The following CDIP1 variants were observed in gnomAD, a reference collection of about 807,000 sequenced individuals.
CDIP1 encodes the protein cell death inducing p53 target 1.
In CDIP1, 9 loss-of-function variants were observed where a neutral mutation model predicts 17.7. The observed-to-expected ratio is 0.51, with a 90% CI of 0.31 to 0.89. The LOEUF (loss-of-function observed/expected upper bound fraction) is 0.89, where lower values mean the gene tolerates loss of function less well. Ranked by LOEUF, CDIP1 falls within the 40% of genes least tolerant of loss-of-function variation. The pLI is 0.05. For missense variants in CDIP1, 263 were observed against 277.9 expected (o/e 0.95, Z 0.38); for synonymous variants, 117 against 109.5 (o/e 1.07, Z -0.43).
Position 4,513,156 on chromosome 16 carries a change from G to T in CDIP1, c.242-92C>A. 7.6e-7 allele frequency: 1 copy of T among 1,311,630 alleles called. No homozygotes were observed. Among genetic ancestry groups the T allele is most frequent in the Non-Finnish European group, 1.0e-6 (1 of 979,608 alleles). 81.2% of individuals were successfully genotyped at this position (1,311,630 alleles called of 1,614,324 possible). ...GGCGCAAAGCCCCACGGTCCACAGC[G>T]CCCAGCGTGCAAGGCTACGCCTCAG... On this transcript the variant is annotated intron_variant, in intron 4 of 5. Coordinates refer to ENST00000567695, the MANE Select transcript of CDIP1 (RefSeq NM_013399.3). The surrounding 1 kb of genome is among the most constrained non-coding windows in gnomAD (Gnocchi z 4.1).
At chr16:4,522,215 A>G (rs1017540353) in intron 1 of CDIP1, among the ~76,000 whole-genome samples, 2 of 152,232 alleles carry the variant, frequency 1.3e-5, no homozygotes, top group African/African-American at 2.4e-5. Context: ...AGGCAGAGAC[A>G]CTAGCAGTCC....
intron 1 of CDIP1, among the ~76,000 whole-genome samples, chr16:4,519,800 C>G (rs2058926114): frequency 6.6e-6 from 1 of 151,656 alleles, no homozygotes; most frequent in South Asian, 2.1e-4. Flanking sequence ...CTTCTCACCC[C>G]CTCTCTCGCC....
chr16:4,529,866 T>G (rs2059037540), intron 1 of CDIP1, among the ~76,000 whole-genome samples: 1 of 151,816 alleles, frequency 6.6e-6, no homozygotes, highest in South Asian at 2.1e-4. Flanking sequence ...GGTGGAAGAG[T>G]CTTAATTCAG....
Position 4,511,051 on chromosome 16 carries a change from A to G in CDIP1, c.*1521T>C, listed in dbSNP as rs1008601787. 1 of 152,234 alleles carries G rather than the reference A, an allele frequency of 6.6e-6. No homozygotes were observed. The highest frequency in any genetic ancestry group is 1.5e-5 in the Non-Finnish European group (1 of 68,078). 9.4% of individuals were successfully genotyped at this position (152,234 alleles called of 1,614,324 possible). The stretch of plus-strand genomic sequence containing the variant: ...TATAGATGGTTGAAACCAGCATCAG[A>G]GGAAGGAAGGTGACCTTACAGCCAC... On this transcript the variant is annotated 3_prime_UTR_variant, in exon 6 of 6. Transcript: ENST00000567695.
At chr16:4,529,958 T>C (rs1596495356) in intron 1 of CDIP1, among the ~76,000 whole-genome samples, 1 of 152,284 alleles carries the variant, frequency 6.6e-6, no homozygotes, top group East Asian at 1.9e-4. Flanking sequence ...CCCTATTCCG[T>C]GGGTCGGGGT....
At position 4,512,511 on chromosome 16, in the gene CDIP1, A is replaced by G. The variant is rs7665; in HGVS notation, c.*61T>C. The stretch of plus-strand genomic sequence containing the variant: ...GGGAGCGGGAAAGTGACCACTGAGC[A>G]CAGGGAGCAAAGCACAGGGGGCCAG... On this transcript the variant is annotated 3_prime_UTR_variant, in exon 6 of 6. Coordinates refer to ENST00000567695, the MANE Select transcript of CDIP1 (RefSeq NM_013399.3). The surrounding 1 kb of genome is among the most constrained non-coding windows in gnomAD (Gnocchi z 4.6). 0.73 allele frequency: 894,230 copies of G among 1,229,106 alleles called. 327,197 individuals are homozygous for G. Among genetic ancestry groups the G allele is most frequent in the African/African-American group, 0.79 (52,913 of 67,368 alleles). The allele number at this position is 1,229,106 out of a possible 1,614,324, so 76.1% of individuals were successfully genotyped here. A position where few individuals can be genotyped will look rare whatever the true frequency, so the allele number is the denominator to read the frequency against.
chr16:4,525,713 C>G (rs2058993061), intron 1 of CDIP1, among the ~76,000 whole-genome samples: 1 of 152,226 alleles, frequency 6.6e-6, no homozygotes, highest in Non-Finnish European at 1.5e-5. Context: ...CAAAGGTCCA[C>G]TCAGTTGCAG....
At position 4,514,211 on chromosome 16, in the gene CDIP1, G is replaced by C; in HGVS notation, c.-14-67C>G. On this transcript the variant is annotated intron_variant, in intron 2 of 5. Transcript: ENST00000567695. This position sits in a 1 kb window ranked among gnomAD's most constrained non-coding sequence, Gnocchi z 5.2. ...GCCAGGTTCCTTCTCCTTCAGCCCTGTGGGGTGGCCAAGATGCTGCACAAG... is the reference window on the plus strand; with the variant it reads ...GCCAGGTTCCTTCTCCTTCAGCCCTCTGGGGTGGCCAAGATGCTGCACAAG... 1.1e-6 allele frequency: 1 copy of C among 918,460 alleles called. No homozygotes were observed. Among genetic ancestry groups the C allele is most frequent in the Non-Finnish European group, 1.6e-6 (1 of 614,520 alleles). The allele number at this position is 918,460 out of a possible 1,614,324, so 56.9% of individuals were successfully genotyped here.
At chr16:4,538,138 G>A (rs887677016) in intron 1 of CDIP1, among the ~76,000 whole-genome samples, 1 of 152,134 alleles carries the variant, frequency 6.6e-6, no homozygotes, top group African/African-American at 2.4e-5. Context: ...CTTCCCTGAC[G>A]GAAAAACGTG....
chr16:4,523,014 CATT>C (rs1477327912), intron 1 of CDIP1, among the ~76,000 whole-genome samples: 19 of 152,298 alleles, frequency 1.2e-4, no homozygotes, highest in Non-Finnish European at 2.4e-4. Flanking sequence ...GCGTGAGGGT[CATT>C]AGGAGGGGGA....
In CDIP1 at chr16:4,516,432, T is replaced by A. The variant is rs565961525; in HGVS notation, c.-104-1768A>T. 5.2e-4 allele frequency among the ~76,000 whole-genome samples: 79 copies of A among 152,092 alleles called. 2 individuals are homozygous for A. In the South Asian group the frequency reaches 0.014, roughly 26 times the overall value. On this transcript the variant is annotated intron_variant, in intron 1 of 5. Coordinates refer to ENST00000567695, the MANE Select transcript of CDIP1 (RefSeq NM_013399.3). Reference sequence around the variant, plus strand: ...AAATTATGTCAATAAAACTTATTTTTAAAAAAAATGAGGGAAAAGAAAATT... The same window carrying A: ...AAATTATGTCAATAAAACTTATTTTAAAAAAAAATGAGGGAAAAGAAAATT...
At chr16:4,533,955 CT>C (rs1408250508) in intron 1 of CDIP1, among the ~76,000 whole-genome samples, 1 of 151,996 alleles carries the variant, frequency 6.6e-6, no homozygotes. Context: ...CTGTGCCATT[CT>C]TTTTTGTTTG....
chr16:4,511,273 C>T lies in CDIP1; in HGVS notation c.*1299G>A, dbSNP rs1343617974. On this transcript the variant is annotated 3_prime_UTR_variant, in exon 6 of 6. Transcript: ENST00000567695. Reference sequence around the variant, plus strand: ...GCCAGTAGACTGCCTGCAGCCCCACCCTCTTTCCCTCAAAAAAGAAGGAAG... The same window carrying T: ...GCCAGTAGACTGCCTGCAGCCCCACTCTCTTTCCCTCAAAAAAGAAGGAAG... The T allele has an allele frequency of 1.3e-5, 2 of 152,798 alleles. No individual in the cohort carries two copies. Among genetic ancestry groups the T allele is most frequent in the East Asian group, 3.9e-4 (2 of 5,184 alleles). 9.5% of individuals were successfully genotyped at this position (152,798 alleles called of 1,614,324 possible). A position where few individuals can be genotyped will look rare whatever the true frequency, so the allele number is the denominator to read the frequency against.
chr16:4,520,088 A>C (rs1434460217), intron 1 of CDIP1, among the ~76,000 whole-genome samples: 1 of 151,928 alleles, frequency 6.6e-6, no homozygotes, highest in Non-Finnish European at 1.5e-5. Flanking sequence ...CAATGGACTA[A>C]TACTACATCA....
chr16:4,534,466 C>T (rs895346937), intron 1 of CDIP1, among the ~76,000 whole-genome samples: 3 of 152,232 alleles, frequency 2.0e-5, no homozygotes, highest in Non-Finnish European at 4.4e-5. Flanking sequence ...GCTCTTCCGC[C>T]ACCCCTGCTG....
At chr16:4,527,936 C>G (rs954637670) in intron 1 of CDIP1, among the ~76,000 whole-genome samples, 20 of 152,168 alleles carry the variant, frequency 1.3e-4, no homozygotes, top group African/African-American at 4.3e-4. Flanking sequence ...TCTGCCTCAG[C>G]CTCCTGAATA....
chr16:4,527,576 G>A (rs577045029), intron 1 of CDIP1, among the ~76,000 whole-genome samples: 4 of 152,290 alleles, frequency 2.6e-5, no homozygotes, highest in Non-Finnish European at 4.4e-5. Context: ...TCCACAGCAC[G>A]GGGCCACAGC....
chr16:4,530,505 C>T (rs974017908), intron 1 of CDIP1, among the ~76,000 whole-genome samples: 8 of 151,948 alleles, frequency 5.3e-5, no homozygotes, highest in Admixed American at 3.3e-4. Flanking sequence ...CAAAATTAGC[C>T]GGGCGTGGTG....
At chr16:4,529,168 C>T (rs73496732) in intron 1 of CDIP1, among the ~76,000 whole-genome samples, 4,141 of 152,176 alleles carry the variant, frequency 0.027, 173 homozygotes, top group African/African-American at 0.091. Context: ...TGAGTTTGGT[C>T]AAATGAGTCA....
Sources: allele counts gnomAD v4.1 joint callset (sites outside exome capture counted in the v4.1 genomes callset), GRCh38; gene constraint gnomAD v4.1.1; non-coding constraint Gnocchi (gnomAD v3.1); transcripts MANE v1.5; gene names NCBI Gene and HGNC (gene_info 2026-07-23, HGNC 2026-07-21).